The following ERCC6 variants were observed in gnomAD, a reference collection of about 807,000 sequenced individuals.
ERCC6 encodes the protein ERCC excision repair 6, chromatin remodeling factor.
A neutral mutation model predicts 158.7 loss-of-function variants in ERCC6; 116 were observed. That is an observed-to-expected ratio of 0.73 (90% CI 0.63 to 0.85). ERCC6 has a LOEUF of 0.85. Ranked by LOEUF, ERCC6 falls within the 40% of genes least tolerant of loss-of-function variation. The pLI is 0.00. For synonymous variants in ERCC6, 678 were observed against 659.3 expected (o/e 1.03, Z -0.43); for missense variants, 1,698 against 1,799.4 (o/e 0.94, Z 1.02).
intron 5 of ERCC6, among the ~76,000 whole-genome samples, chr10:49,522,557 C>T (rs1375303485): frequency 6.6e-6 from 1 of 152,102 alleles, no homozygotes; most frequent in Non-Finnish European, 1.5e-5. Flanking sequence ...TTAAGAAAAA[C>T]TTATTGCCAT....
chr10:49,462,417 A>G lies in ERCC6; in HGVS notation c.3779-861T>C, dbSNP rs535735727. ...AAAACCATACAAGTAGTACAAGAAA[A>G]CATGGCGAATTATCATATGATCTAT... On this transcript the variant is annotated intron_variant, in intron 18 of 20. Coordinates refer to ENST00000355832, the MANE Select transcript of ERCC6 (RefSeq NM_000124.4). Among the ~76,000 whole-genome samples, 6 of 152,286 alleles carry G rather than the reference A, an allele frequency of 3.9e-5. No individual in the cohort carries two copies. In the South Asian group the frequency reaches 1.2e-3, roughly 32 times the overall value.
At chr10:49,530,669 CT>C (rs1423447339) in intron 3 of ERCC6, 50 bp downstream of exon 3, 6 of 1,603,528 alleles carry the variant, frequency 3.7e-6, no homozygotes, top group East Asian at 2.3e-5. Flanking sequence ...TTAAGTGCCC[CT>C]AAATGATGAC....
At chr10:49,532,423 C>A (rs981097134) in intron 2 of ERCC6, 120 bp downstream of exon 2, 90 of 1,498,094 alleles carry the variant, frequency 6.0e-5, no homozygotes, top group Non-Finnish European at 3.3e-5. Flanking sequence ...TGACTCTGTC[C>A]TCCAAATAAA....
intron 8 of ERCC6, among the ~76,000 whole-genome samples, chr10:49,486,621 C>T (rs1315121674): frequency 6.6e-6 from 1 of 152,166 alleles, no homozygotes; most frequent in Non-Finnish European, 1.5e-5. Context: ...AACCAATATA[C>T]ATGCTACAAA....
At chr10:49,519,634 C>T (rs1254975247) in intron 5 of ERCC6, among the ~76,000 whole-genome samples, 1 of 152,062 alleles carries the variant, frequency 6.6e-6, no homozygotes, top group Non-Finnish European at 1.5e-5. Context: ...TTTCCCTGAT[C>T]GGGGTGGGCA....
chr10:49,471,278 T>G (rs1372740717), intron 16 of ERCC6, among the ~76,000 whole-genome samples, 158 bp from the exon 17 acceptor site: 1 of 152,100 alleles, frequency 6.6e-6, no homozygotes, highest in African/African-American at 2.4e-5. Flanking sequence ...ATTCAGGAAA[T>G]ATATAATACA....
chr10:49,499,542 G>A lies in ERCC6; in HGVS notation c.1685+996C>T, dbSNP rs1428276685. Among the ~76,000 whole-genome samples the A allele has an allele frequency of 2.0e-5, 3 of 152,178 alleles. No homozygotes were observed. The East Asian group carries it at 5.8e-4, about 29-fold the overall frequency. On this transcript the variant is annotated intron_variant, in intron 7 of 20. Transcript: ENST00000355832. ...TATCTCCAAATCATATATAGGGAGT[G>A]TCTGAGGTTTCCTGGGCACACCCCT...
In ERCC6 at chr10:49,455,593, G is replaced by T. The variant is rs995264578; in HGVS notation, c.*3222C>A. ...AAATAGACAACTTAGCATGTGATGA[G>T]TTGAAAGCTGACATTTTAAACTGGT... On this transcript the variant is annotated 3_prime_UTR_variant, in exon 21 of 21. Coordinates refer to ENST00000355832, the MANE Select transcript of ERCC6 (RefSeq NM_000124.4). 4 of 152,242 alleles carry T rather than the reference G, an allele frequency of 2.6e-5. No individual in the cohort carries two copies. The highest frequency in any genetic ancestry group is 9.6e-5 in the African/African-American group (4 of 41,458). 9.4% of individuals were successfully genotyped at this position (152,242 alleles called of 1,614,324 possible). A position where few individuals can be genotyped will look rare whatever the true frequency, so the allele number is the denominator to read the frequency against.
chr10:49,502,193 A>G (rs1851367766), intron 6 of ERCC6: 1 of 152,166 alleles, frequency 6.6e-6, no homozygotes, highest in South Asian at 2.1e-4. Context: ...ACTTTCTCCC[A>G]GTATTTTGCA....
At chr10:49,513,513 G>A (rs1401533958) in intron 5 of ERCC6, among the ~76,000 whole-genome samples, 4 of 152,076 alleles carry the variant, frequency 2.6e-5, no homozygotes, top group Non-Finnish European at 4.4e-5. Flanking sequence ...AGAAATACCC[G>A]AGACTGGGTA....
chr10:49,534,961 C>G lies in ERCC6; in HGVS notation c.-14-1983G>C, dbSNP rs75026490. On this transcript the variant is annotated intron_variant, in intron 1 of 20. Transcript: ENST00000355832. ...CAGTTAACAACAGAGCAGGGCAGGT[C>G]AGCTAGCCCGGGACACGGACAAGAG... 4.7e-3 allele frequency among the ~76,000 whole-genome samples: 714 copies of G among 152,320 alleles called. 5 individuals are homozygous for G. The highest frequency in any genetic ancestry group is 0.016 in the African/African-American group (647 of 41,562).
intron 3 of ERCC6, among the ~76,000 whole-genome samples, chr10:49,529,461 G>C (rs965701493): frequency 6.6e-6 from 1 of 152,142 alleles, no homozygotes; most frequent in African/African-American, 2.4e-5. Flanking sequence ...CAGCCCACTA[G>C]AAGCCCAAGA....
chr10:49,529,579 C>G lies in ERCC6; in HGVS notation c.544-1054G>C, dbSNP rs551430839. On this transcript the variant is annotated intron_variant, in intron 3 of 20. Coordinates refer to ENST00000355832, the MANE Select transcript of ERCC6 (RefSeq NM_000124.4). ...GCAACTGCTAGCTTTGACCTTTGGGCTGCTATTCTGGAAGCAAGTGAGAGA... is the reference window on the plus strand; with the variant it reads ...GCAACTGCTAGCTTTGACCTTTGGGGTGCTATTCTGGAAGCAAGTGAGAGA... Among the ~76,000 whole-genome samples the G allele has an allele frequency of 3.3e-5, 5 of 152,252 alleles. No homozygotes were observed. The East Asian group carries it at 9.7e-4, about 29-fold the overall frequency.
intron 8 of ERCC6, among the ~76,000 whole-genome samples, chr10:49,484,260 G>A (rs1197464082): frequency 7.1e-5 from 10 of 140,118 alleles, no homozygotes; most frequent in Non-Finnish European, 1.5e-4. Flanking sequence ...CAGCCTGGGT[G>A]ACAGTCAGAC....
chr10:49,473,925 A>T (rs1450972310), intron 13 of ERCC6, 102 bp downstream of exon 13: 4 of 1,063,648 alleles, frequency 3.8e-6, no homozygotes, highest in African/African-American at 1.5e-5. Context: ...CATCAGTGGT[A>T]GACTTGCTTC....
At chr10:49,462,239 T>A (rs575964618) in intron 18 of ERCC6, among the ~76,000 whole-genome samples, 1 of 152,314 alleles carries the variant, frequency 6.6e-6, no homozygotes, top group South Asian at 2.1e-4. Context: ...ATGTACTACA[T>A]GATAAAGGCA....
intron 2 of ERCC6, among the ~76,000 whole-genome samples, chr10:49,531,123 C>T (rs1369121821): frequency 1.3e-5 from 2 of 152,168 alleles, no homozygotes; most frequent in African/African-American, 4.8e-5. Context: ...TAAGTGCCTA[C>T]TTTATTCAAC....
chr10:49,535,930 A>G (rs1199098061), intron 1 of ERCC6, among the ~76,000 whole-genome samples: 1 of 152,174 alleles, frequency 6.6e-6, no homozygotes, highest in Non-Finnish European at 1.5e-5. Flanking sequence ...AGCCTGACCC[A>G]ACATGGTGAA....
Position 49,460,413 on chromosome 10 carries a change from A to C in ERCC6, c.4022T>G (p.Val1341Gly). ...FGKKRNSNFS[V>G]QHPSSTSPTE... The stretch of plus-strand genomic sequence containing the variant: ...TGGAGATGTTGATGAAGGATGCTGC[A>C]CAGAGAAGTTAGAATTCCTTTTCTT... Residue 1341 changes from valine to glycine, a missense_variant, in exon 20 of 21, where the codon GTG becomes GGG. Transcript: ENST00000355832. 1 of 1,613,862 alleles carries C rather than the reference A, an allele frequency of 6.2e-7. No homozygotes were observed. Among genetic ancestry groups the C allele is most frequent in the Non-Finnish European group, 8.5e-7 (1 of 1,179,706 alleles).
Sources: gnomAD v4.1 joint callset for allele counts (sites outside exome capture counted in the v4.1 genomes callset) on GRCh38, gnomAD v4.1.1 for gene constraint, MANE v1.5 for transcripts, NCBI Gene and HGNC (gene_info 2026-07-23, HGNC 2026-07-21) for gene names.